Variants in LPAR3 observed in about 807,000 individuals in gnomAD.
LPAR3 encodes LPA receptor 3.
LPAR3 carries 7 observed loss-of-function variants against 17.8 expected under a neutral mutation model. The observed-to-expected ratio is 0.39, with a 90% CI of 0.22 to 0.74. The LOEUF (loss-of-function observed/expected upper bound fraction) is 0.74, where lower values mean the gene tolerates loss of function less well. Ranked by LOEUF, LPAR3 falls within the 30% of genes least tolerant of loss-of-function variation. The pLI is 0.40. For synonymous variants in LPAR3, 179 were observed against 179.9 expected, an observed-to-expected ratio of 0.99 and a Z score of 0.04; for missense variants, 391 against 453.4, an observed-to-expected ratio of 0.86 and a Z score of 1.25.
chr1:84,852,237 C>G (rs566388277), intron 2 of LPAR3, among the ~76,000 whole-genome samples: 2 of 152,090 alleles, frequency 1.3e-5, no homozygotes, highest in South Asian at 4.2e-4. Flanking sequence ...TGTGCACCAC[C>G]ACGCCTGGCT....
intron 2 of LPAR3, among the ~76,000 whole-genome samples, chr1:84,828,873 A>G (rs1659223686): frequency 6.6e-6 from 1 of 152,220 alleles, no homozygotes. Flanking sequence ...TATGGGTACG[A>G]CATTGCTGTC....
chr1:84,832,064 T>C (rs1443193300), intron 2 of LPAR3, among the ~76,000 whole-genome samples: 1 of 152,120 alleles, frequency 6.6e-6, no homozygotes, highest in Non-Finnish European at 1.5e-5. Context: ...TTGCTCCTAC[T>C]GAAAATTTGA....
At chr1:84,855,130 C>T (rs548483705) in intron 2 of LPAR3, among the ~76,000 whole-genome samples, 20 of 152,276 alleles carry the variant, frequency 1.3e-4, no homozygotes, top group South Asian at 1.0e-3. Context: ...CCTAGGTCCA[C>T]GACAGGGCAT....
At position 84,813,097 on chromosome 1, in the gene LPAR3, C is replaced by T. The variant is rs550851710; in HGVS notation, c.*749G>A. The T allele has an allele frequency of 6.4e-5, 7 of 109,138 alleles. No individual in the cohort carries two copies. Among genetic ancestry groups the T allele is most frequent in the African/African-American group, 1.1e-4 (3 of 26,488 alleles). The allele number at this position is 109,138 out of a possible 1,614,324, so 6.8% of individuals were successfully genotyped here. ...AATCCAATCCCCAGATATCTTTGAACAAAATCAATAAAAATCAGTAAAAAC... is the reference window on the plus strand; with the variant it reads ...AATCCAATCCCCAGATATCTTTGAATAAAATCAATAAAAATCAGTAAAAAC... On this transcript the variant is annotated 3_prime_UTR_variant, in exon 3 of 3. Transcript: ENST00000370611.
At chr1:84,831,281 T>C (rs1349387800) in intron 2 of LPAR3, among the ~76,000 whole-genome samples, 6 of 152,042 alleles carry the variant, frequency 3.9e-5, no homozygotes, top group African/African-American at 1.4e-4. Flanking sequence ...TCCTGATATC[T>C]CTTACACCTC....
chr1:84,827,423 A>G (rs971179966), intron 2 of LPAR3, among the ~76,000 whole-genome samples: 2 of 151,978 alleles, frequency 1.3e-5, no homozygotes, highest in Admixed American at 6.6e-5. Context: ...ATGAAGGTCA[A>G]TGACTCCATC....
chr1:84,816,353 T>A (rs571218317), intron 2 of LPAR3, among the ~76,000 whole-genome samples: 3 of 152,222 alleles, frequency 2.0e-5, no homozygotes, highest in Non-Finnish European at 4.4e-5. Flanking sequence ...GGCAGTTTCC[T>A]ACTTGGAAAA....
chr1:84,882,349 A>G (rs763639039), intron 1 of LPAR3, among the ~76,000 whole-genome samples: 59 of 152,226 alleles, frequency 3.9e-4, no homozygotes, highest in Non-Finnish European at 6.8e-4. Flanking sequence ...AGACACAAAT[A>G]GAGGTAAATA....
chr1:84,846,533 C>G (rs1021849249), intron 2 of LPAR3, among the ~76,000 whole-genome samples: 4 of 152,110 alleles, frequency 2.6e-5, no homozygotes, highest in African/African-American at 4.8e-5. Flanking sequence ...CCACATGAAG[C>G]ATTCTCTAAA....
At chr1:84,858,066 C>T (rs999473922) in intron 2 of LPAR3, among the ~76,000 whole-genome samples, 3 of 152,116 alleles carry the variant, frequency 2.0e-5, no homozygotes, top group Admixed American at 6.5e-5. Flanking sequence ...ATCCTAAAAG[C>T]CTGGAACACG....
intron 2 of LPAR3, among the ~76,000 whole-genome samples, chr1:84,820,943 T>A (rs748767009): frequency 3.3e-5 from 5 of 152,028 alleles, no homozygotes; most frequent in Non-Finnish European, 7.4e-5. Flanking sequence ...TTAAAAAAAA[T>A]GAAATAGAAA....
intron 1 of LPAR3, among the ~76,000 whole-genome samples, chr1:84,884,298 C>T (rs141590654): frequency 4.6e-5 from 7 of 152,242 alleles, no homozygotes; most frequent in South Asian, 2.1e-4. Context: ...GGTGTACTCT[C>T]GTGGCAAGAC....
chr1:84,839,522 C>T (rs1158096026), intron 2 of LPAR3, among the ~76,000 whole-genome samples: 3 of 151,940 alleles, frequency 2.0e-5, no homozygotes, highest in African/African-American at 7.3e-5. Flanking sequence ...AAAGTAGAAA[C>T]AATTAGTTGG....
chr1:84,840,695 T>C (rs527563432), intron 2 of LPAR3, among the ~76,000 whole-genome samples: 6 of 152,324 alleles, frequency 3.9e-5, no homozygotes, highest in African/African-American at 1.4e-4. Context: ...GTCATTGACA[T>C]TGAAAAAAAA....
At chr1:84,843,582 TGC>T (rs1285066402) in intron 2 of LPAR3, among the ~76,000 whole-genome samples, 1 of 152,260 alleles carries the variant, frequency 6.6e-6, no homozygotes, top group Non-Finnish European at 1.5e-5. Flanking sequence ...GGAGAGGGGT[TGC>T]GTGAAACGCC....
At chr1:84,827,964 G>T (rs1034174500) in intron 2 of LPAR3, among the ~76,000 whole-genome samples, 2 of 152,086 alleles carry the variant, frequency 1.3e-5, no homozygotes, top group Non-Finnish European at 2.9e-5. Flanking sequence ...TGTGACTACT[G>T]AAAATCAAAC....
intron 2 of LPAR3, among the ~76,000 whole-genome samples, chr1:84,829,953 GA>G (rs1659249831): frequency 6.6e-6 from 1 of 152,224 alleles, no homozygotes; most frequent in South Asian, 2.1e-4. Context: ...GAAGAGAGAA[GA>G]AAGGCTGCTC....
intron 2 of LPAR3, among the ~76,000 whole-genome samples, chr1:84,837,669 T>C (rs542677574): frequency 4.9e-4 from 74 of 152,262 alleles, no homozygotes; most frequent in Non-Finnish European, 2.9e-4. Context: ...GAAAAGAAAG[T>C]CTGAAATGCT....
chr1:84,863,064 T>C (rs1051822007), intron 2 of LPAR3, among the ~76,000 whole-genome samples: 3 of 151,356 alleles, frequency 2.0e-5, no homozygotes, highest in Non-Finnish European at 3.0e-5. Flanking sequence ...CTCCTCCCTT[T>C]TTTTTTTTTT....
Sources: gnomAD v4.1 joint callset for allele counts (sites outside exome capture counted in the v4.1 genomes callset) on GRCh38, gnomAD v4.1.1 for gene constraint, MANE v1.5 for transcripts, NCBI Gene and HGNC (gene_info 2026-07-23, HGNC 2026-07-21) for gene names.